The following ZNF800 variants were observed in gnomAD, a reference collection of about 807,000 sequenced individuals.
ZNF800 encodes zinc finger protein 800.
In ZNF800, 13 loss-of-function variants were observed where a neutral mutation model predicts 59.5. The ratio of observed to expected loss-of-function variants is 0.22; its 90% confidence interval spans 0.14 to 0.35. ZNF800 has a LOEUF of 0.35. Ranked by LOEUF, ZNF800 falls within the 10% of genes least tolerant of loss-of-function variation. The probability of loss-of-function intolerance (pLI) is 1.00; values close to 1 mark genes in which losing one functional copy is unlikely to be tolerated. For missense variants in ZNF800, 621 were observed against 783.7 expected, an observed-to-expected ratio of 0.79 and a Z score of 2.48; for synonymous variants, 266 against 265.7, an observed-to-expected ratio of 1.00 and a Z score of -0.01.
downstream of ZNF800, among the ~76,000 whole-genome samples, chr7:127,366,957 C>T (rs981210240): frequency 4.6e-5 from 7 of 152,052 alleles, no homozygotes; most frequent in African/African-American, 1.4e-4. Flanking sequence ...GGGAAAGTAG[C>T]GGAAGGACAC....
intron 1 of ZNF800, chr7:127,350,607 A>C (rs1037474696): frequency 2.3e-4 from 35 of 152,230 alleles, no homozygotes; most frequent in African/African-American, 8.4e-4. Context: ...AAATTCCTCC[A>C]AGACTTTCAA....
At chr7:127,388,156 A>C (rs1562911589) in intron 2 of ZNF800, among the ~76,000 whole-genome samples, 1 of 152,184 alleles carries the variant, frequency 6.6e-6, no homozygotes, top group Non-Finnish European at 1.5e-5. Context: ...GGGGTTAAAT[A>C]AGCTAATGCA....
intron 1 of ZNF800, among the ~76,000 whole-genome samples, chr7:127,357,729 T>C (rs184570911): frequency 1.7e-4 from 26 of 152,186 alleles, no homozygotes; most frequent in Admixed American, 1.5e-3. Flanking sequence ...CCTCTCTGAA[T>C]ACAACACATA....
At chr7:127,385,924 T>C (rs1463958774) in intron 3 of ZNF800, 136 bp downstream of exon 3, 1 of 565,406 alleles carries the variant, frequency 1.8e-6, no homozygotes, top group Non-Finnish European at 3.0e-6. Context: ...TTTTTTAAAA[T>C]ATGAAAATTT....
chr7:127,373,305 G>T (rs754172798), intron 5 of ZNF800, 37 bp downstream of exon 5: 1 of 1,533,278 alleles, frequency 6.5e-7, no homozygotes, highest in South Asian at 1.3e-5. Context: ...TAGTTCGATG[G>T]GGGGAAAAAA....
At chr7:127,352,552 G>A (rs1330611924) in intron 1 of ZNF800, among the ~76,000 whole-genome samples, 1 of 152,196 alleles carries the variant, frequency 6.6e-6, no homozygotes, top group East Asian at 1.9e-4. Flanking sequence ...ACTGGTTGCT[G>A]AGAGCTGATT....
downstream of ZNF800, among the ~76,000 whole-genome samples, chr7:127,343,114 C>T (rs375345975): frequency 4.0e-3 from 606 of 152,016 alleles, 5 homozygotes; most frequent in South Asian, 0.029. Flanking sequence ...TATAGTCTTA[C>T]GTGTCCTATT....
chr7:127,358,287 C>T (rs973869163), intron 1 of ZNF800, among the ~76,000 whole-genome samples: 1 of 151,864 alleles, frequency 6.6e-6, no homozygotes, highest in Non-Finnish European at 1.5e-5. Flanking sequence ...ATTCTTTCTT[C>T]GTCTCCACTG....
downstream of ZNF800, among the ~76,000 whole-genome samples, chr7:127,368,304 G>A (rs1394865342): frequency 6.6e-6 from 1 of 152,080 alleles, no homozygotes; most frequent in Non-Finnish European, 1.5e-5. Flanking sequence ...CCACAGAACA[G>A]CTATTCCTGA....
intron 1 of ZNF800, among the ~76,000 whole-genome samples, chr7:127,352,205 T>C (rs1800178735): frequency 6.6e-6 from 1 of 152,236 alleles, no homozygotes; most frequent in Non-Finnish European, 1.5e-5. Flanking sequence ...AAGACTGTCT[T>C]TGATATTACA....
At chr7:127,356,825 T>C (rs909947474) in intron 1 of ZNF800, among the ~76,000 whole-genome samples, 1 of 151,992 alleles carries the variant, frequency 6.6e-6, no homozygotes, top group Non-Finnish European at 1.5e-5. Flanking sequence ...AATTGTTTTA[T>C]TATAGCTATC....
intron 1 of ZNF800, 134 bp downstream of exon 1, chr7:127,391,926 A>C (rs1395602549): frequency 3.0e-5 from 11 of 365,752 alleles, no homozygotes; most frequent in Non-Finnish European, 5.3e-5. Context: ...CGCGGCGGGC[A>C]CCGCCGGGCT....
At chr7:127,360,252 A>T (rs1800368908) in intron 1 of ZNF800, 2 of 152,142 alleles carry the variant, frequency 1.3e-5, no homozygotes, top group African/African-American at 2.4e-5. Flanking sequence ...TCAGCCAAAC[A>T]TCTGCATTTT....
At chr7:127,385,245 C>T (rs547925708) in intron 3 of ZNF800, among the ~76,000 whole-genome samples, 1 of 152,112 alleles carries the variant, frequency 6.6e-6, no homozygotes, top group Non-Finnish European at 1.5e-5. Flanking sequence ...TATTCTAATC[C>T]TCTAAGTGTC....
downstream of ZNF800, among the ~76,000 whole-genome samples, chr7:127,368,392 A>G (rs1269492428): frequency 6.6e-6 from 1 of 152,146 alleles, no homozygotes; most frequent in Non-Finnish European, 1.5e-5. Context: ...AGCACAGAGT[A>G]CAGAAGGATT....
intron 1 of ZNF800, chr7:127,361,202 C>T (rs17867835): frequency 0.048 from 7,326 of 152,016 alleles, 306 homozygotes; most frequent in Admixed American, 0.12. Context: ...GAGATGAGTC[C>T]TGAAAGAAGA....
At chr7:127,391,048 A>G (rs1210698405) in intron 2 of ZNF800, among the ~76,000 whole-genome samples, 1 of 152,244 alleles carries the variant, frequency 6.6e-6, no homozygotes, top group East Asian at 1.9e-4. Context: ...ACAAACTTTT[A>G]AAACCCAAAC....
intron 2 of ZNF800, among the ~76,000 whole-genome samples, chr7:127,386,924 T>A (rs1028327758): frequency 1.3e-5 from 2 of 151,824 alleles, no homozygotes; most frequent in African/African-American, 4.8e-5. Context: ...AATATATAAA[T>A]TTAATATATA....
At chr7:127,351,040 T>C (rs1800158652) in intron 1 of ZNF800, among the ~76,000 whole-genome samples, 1 of 152,220 alleles carries the variant, frequency 6.6e-6, no homozygotes, top group African/African-American at 2.4e-5. Context: ...AACAGTTTCA[T>C]TCATTTGCAT....
Sources: gnomAD v4.1 joint callset for allele counts (sites outside exome capture counted in the v4.1 genomes callset) on GRCh38, gnomAD v4.1.1 for gene constraint, MANE v1.5 for transcripts, NCBI Gene and HGNC (gene_info 2026-07-23, HGNC 2026-07-21) for gene names.